Variants in POU6F2 observed in about 807,000 individuals in gnomAD.
POU6F2 encodes POU domain, class 6, transcription factor 2.
In POU6F2, 31 loss-of-function variants were observed where a neutral mutation model predicts 71.3. The ratio of observed to expected loss-of-function variants is 0.43; its 90% confidence interval spans 0.33 to 0.59. The LOEUF (loss-of-function observed/expected upper bound fraction) is 0.59. Among genes scored for constraint, POU6F2 ranks in the 20% least tolerant of loss-of-function variants. POU6F2 has a pLI of 0.04. For synonymous variants in POU6F2, 347 were observed against 355.7 expected (o/e 0.98, Z 0.27); for missense variants, 783 against 856.8 (o/e 0.91, Z 1.07).
intron 4 of POU6F2, among the ~76,000 whole-genome samples, chr7:39,213,994 C>T (rs941537730): frequency 6.6e-6 from 1 of 152,200 alleles, no homozygotes; most frequent in African/African-American, 2.4e-5. Context: ...CTTATAGATG[C>T]TGGAGATCTA....
chr7:39,214,733 T>C (rs1448082592), intron 4 of POU6F2, among the ~76,000 whole-genome samples: 1 of 151,942 alleles, frequency 6.6e-6, no homozygotes, highest in African/African-American at 2.4e-5. Flanking sequence ...TAAAGAGAAG[T>C]AAAGAGAGCA....
chr7:39,033,893 T>C (rs1790003998), intron 1 of POU6F2, among the ~76,000 whole-genome samples: 1 of 152,212 alleles, frequency 6.6e-6, no homozygotes, highest in African/African-American at 2.4e-5. Context: ...ATGTGGTGCT[T>C]TTTCTTACTC....
chr7:39,041,694 T>A (rs1239738079), intron 1 of POU6F2, among the ~76,000 whole-genome samples: 1 of 151,964 alleles, frequency 6.6e-6, no homozygotes, highest in Non-Finnish European at 1.5e-5. Context: ...TTTATTTCCA[T>A]CTTATTGATG....
chr7:39,121,604 C>T (rs1486782274), intron 2 of POU6F2, among the ~76,000 whole-genome samples: 2 of 152,070 alleles, frequency 1.3e-5, no homozygotes, highest in East Asian at 3.8e-4. Flanking sequence ...ATTCTTTGGC[C>T]AGCATAACTT....
At chr7:39,189,866 T>G (rs964845909) in intron 2 of POU6F2, among the ~76,000 whole-genome samples, 1 of 152,074 alleles carries the variant, frequency 6.6e-6, no homozygotes, top group Non-Finnish European at 1.5e-5. Context: ...TATCAATCAT[T>G]CCTTCTACCC....
chr7:39,107,240 G>A (rs1020316508), intron 2 of POU6F2, among the ~76,000 whole-genome samples: 2 of 151,408 alleles, frequency 1.3e-5, no homozygotes, highest in Admixed American at 1.3e-4. Context: ...AGACAGAATC[G>A]CCCTGCATTG....
Position 38,979,356 on chromosome 7 carries a change from C to A in POU6F2, c.105+1298C>A, listed in dbSNP as rs570823672. 4.6e-5 allele frequency among the ~76,000 whole-genome samples: 7 copies of A among 152,286 alleles called. No individual in the cohort carries two copies. In the South Asian group the frequency reaches 1.4e-3, roughly 32 times the overall value. On this transcript the variant is annotated intron_variant, in intron 1 of 9. Transcript: ENST00000518318. The stretch of plus-strand genomic sequence containing the variant: ...AAAGCACTTCAGGGTTCTGAAAGCA[C>A]ATGGTTTATTAATACCAGCATGCTT...
intron 1 of POU6F2, among the ~76,000 whole-genome samples, chr7:39,016,680 C>T (rs922100692): frequency 1.3e-5 from 2 of 152,048 alleles, no homozygotes; most frequent in East Asian, 1.9e-4. Context: ...GCTCATCACA[C>T]GAGACTTTGA....
chr7:39,047,623 C>A (rs891792498), intron 1 of POU6F2, among the ~76,000 whole-genome samples: 1 of 151,842 alleles, frequency 6.6e-6, no homozygotes, highest in Non-Finnish European at 1.5e-5. Flanking sequence ...TTTCTCCATA[C>A]AAGATTATGT....
chr7:39,070,766 C>T (rs1213371967), intron 1 of POU6F2, among the ~76,000 whole-genome samples: 1 of 152,188 alleles, frequency 6.6e-6, no homozygotes, highest in African/African-American at 2.4e-5. Context: ...GTTACATACC[C>T]ACACCCCTCC....
rs1213195979 is a variant in POU6F2 at position 39,220,876 on chromosome 7, G to A, written c.598+13256G>A. ...GCAAAATCCAATATGGTAGCCATGA[G>A]CCACACATGGCTATTGGGCATTTAA... is the stretch of plus-strand genomic sequence containing the variant. On this transcript the variant is annotated intron_variant, in intron 4 of 9. Coordinates refer to ENST00000518318, the MANE Select transcript of POU6F2 (RefSeq NM_001370959.1). Among the ~76,000 whole-genome samples the A allele has an allele frequency of 2.6e-5, 4 of 151,996 alleles. No individual in the cohort carries two copies. The South Asian group carries it at 8.3e-4, about 32-fold the overall frequency.
chr7:39,445,737 C>T (rs991194880), intron 7 of POU6F2, among the ~76,000 whole-genome samples: 2 of 152,242 alleles, frequency 1.3e-5, no homozygotes, highest in Non-Finnish European at 2.9e-5. Flanking sequence ...TTAATTTGTG[C>T]TCTTGTCCTG....
rs553994371 is a variant in POU6F2, at chr7:39,306,616, C to T, written c.599-33026C>T. Among the ~76,000 whole-genome samples, 11 of 152,208 alleles carry T rather than the reference C, an allele frequency of 7.2e-5. No homozygotes were observed. In the South Asian group the frequency reaches 1.2e-3, roughly 17 times the overall value. On this transcript the variant is annotated intron_variant, in intron 4 of 9. Coordinates refer to ENST00000518318, the MANE Select transcript of POU6F2 (RefSeq NM_001370959.1). The stretch of plus-strand genomic sequence containing the variant: ...CTGTCATCATTGTAATTATTGCCTT[C>T]GAGTTTTTAGGTCTAGTCTCACTTT...
intron 4 of POU6F2, among the ~76,000 whole-genome samples, chr7:39,276,381 T>C (rs1784439109): frequency 1.3e-5 from 2 of 151,992 alleles, no homozygotes. Context: ...AGAATGGCAA[T>C]CATTAAAAAG....
chr7:39,287,021 G>A (rs562013218), intron 4 of POU6F2, among the ~76,000 whole-genome samples: 1 of 151,788 alleles, frequency 6.6e-6, no homozygotes, highest in South Asian at 2.1e-4. Flanking sequence ...GATGTCAAGC[G>A]AGTCTGCTTC....
rs531132206 is a variant in POU6F2 at position 39,170,754 on chromosome 7, A to G, written c.278-33481A>G. ...AGAAGAATTGTAGTGTTCCCAACGC[A>G]AAGAAAAGATAAATGTTTGAGGCGA... On this transcript the variant is annotated intron_variant, in intron 2 of 9. Coordinates refer to ENST00000518318, the MANE Select transcript of POU6F2 (RefSeq NM_001370959.1). Among the ~76,000 whole-genome samples, 5 of 152,192 alleles carry G rather than the reference A, an allele frequency of 3.3e-5. No homozygotes were observed. In the South Asian group the frequency reaches 1.0e-3, roughly 32 times the overall value.
intron 1 of POU6F2, chr7:39,002,072 C>T (rs1355322658): frequency 2.0e-5 from 3 of 152,098 alleles, no homozygotes; most frequent in African/African-American, 7.2e-5. Context: ...TCAAAGAAGA[C>T]CTAGAAATAA....
chr7:39,318,869 G>A (rs1258378870), intron 4 of POU6F2, among the ~76,000 whole-genome samples: 1 of 152,146 alleles, frequency 6.6e-6, no homozygotes, highest in African/African-American at 2.4e-5. Context: ...GGGGCCAGGC[G>A]CAATGGCTCA....
At chr7:39,016,459 T>C (rs1052124549) in intron 1 of POU6F2, among the ~76,000 whole-genome samples, 1 of 151,756 alleles carries the variant, frequency 6.6e-6, no homozygotes, top group African/African-American at 2.4e-5. Flanking sequence ...AAAAAGCTCA[T>C]AGTCCCATTA....
Sources: allele counts gnomAD v4.1 joint callset (sites outside exome capture counted in the v4.1 genomes callset), GRCh38; gene constraint gnomAD v4.1.1; transcripts MANE v1.5; gene names NCBI Gene and HGNC (gene_info 2026-07-23, HGNC 2026-07-21).